Variants in PTP4A3 observed in about 807,000 individuals in gnomAD.
PTP4A3 encodes protein tyrosine phosphatase type IVA 3.
In PTP4A3, 9 loss-of-function variants were observed where a neutral mutation model predicts 15.2. That is an observed-to-expected ratio of 0.59 (90% CI 0.36 to 1.03). The LOEUF is 1.03. PTP4A3 is among the 50% of genes least tolerant of loss of function. The probability of loss-of-function intolerance (pLI) is 0.02; values close to 1 mark genes in which losing one functional copy is unlikely to be tolerated. For missense variants in PTP4A3, 234 were observed against 252.1 expected, an observed-to-expected ratio of 0.93 and a Z score of 0.49; for synonymous variants, 95 against 102.0, an observed-to-expected ratio of 0.93 and a Z score of 0.41.
At chr8:141,403,368 C>T (rs921877683) in intron 1 of PTP4A3, among the ~76,000 whole-genome samples, 1 of 152,124 alleles carries the variant, frequency 6.6e-6, no homozygotes, top group African/African-American at 2.4e-5. Flanking sequence ...TCTGAGAGTC[C>T]CGAGCCTGGG....
In PTP4A3 at chr8:141,427,085, G is replaced by C; in HGVS notation, c.329+16G>C. 6.3e-7 allele frequency: 1 copy of C among 1,593,558 alleles called. No individual in the cohort carries two copies. The highest frequency in any genetic ancestry group is 8.5e-7 in the Non-Finnish European group (1 of 1,176,888). On this transcript the variant is annotated intron_variant, in intron 4 of 5. Transcript: ENST00000521578. Reference sequence around the variant, plus strand: ...GCCTGGGCCGGTGAGTGTCGGGGCGGGGTAGGGCTCGCCATGTCAGGTGGT... The same window carrying C: ...GCCTGGGCCGGTGAGTGTCGGGGCGCGGTAGGGCTCGCCATGTCAGGTGGT...
rs1364558671 is a variant in PTP4A3, at chr8:141,421,523, C to CTG, written c.-717_-716dup. 1 of 152,872 alleles carries CTG rather than the reference C, an allele frequency of 6.5e-6. No individual in the cohort carries two copies. The highest frequency in any genetic ancestry group is 6.5e-5 in the Admixed American group (1 of 15,300). The allele number at this position is 152,872 out of a possible 1,614,324, so 9.5% of individuals were successfully genotyped here. A position where few individuals can be genotyped will look rare whatever the true frequency, so the allele number is the denominator to read the frequency against. On this transcript the variant is annotated 5_prime_UTR_variant, in exon 2 of 6. Transcript: ENST00000521578. The stretch of plus-strand genomic sequence containing the variant: ...CACTGGCTCTCACCATTGCCCTCGC[C>CTG]TGCCGATGGCCTCTGCTGCCCAGCC...
intron 1 of PTP4A3, among the ~76,000 whole-genome samples, chr8:141,418,533 C>T (rs1255291184): frequency 6.6e-6 from 1 of 152,202 alleles, no homozygotes; most frequent in Non-Finnish European, 1.5e-5. Context: ...GATGGACTCT[C>T]CCTTAAAGGG....
intron 2 of PTP4A3, among the ~76,000 whole-genome samples, chr8:141,422,786 C>A (rs1247512126): frequency 1.3e-5 from 2 of 152,274 alleles, no homozygotes; most frequent in East Asian, 3.9e-4. Flanking sequence ...GGGCCCAGAT[C>A]TCTGTGTGAG....
intron 1 of PTP4A3, among the ~76,000 whole-genome samples, chr8:141,410,793 A>C (rs1208579004): frequency 6.6e-6 from 1 of 152,188 alleles, no homozygotes; most frequent in African/African-American, 2.4e-5. Flanking sequence ...ACCAGGTCAC[A>C]CAGCCCTGTG....
chr8:141,415,975 C>T (rs930677797), intron 1 of PTP4A3, among the ~76,000 whole-genome samples: 9 of 151,974 alleles, frequency 5.9e-5, no homozygotes, highest in Non-Finnish European at 5.9e-5. Flanking sequence ...ATTCCAGGAA[C>T]GGCTCCTGCC....
chr8:141,411,290 A>T (rs1832862446), intron 1 of PTP4A3, among the ~76,000 whole-genome samples: 1 of 152,136 alleles, frequency 6.6e-6, no homozygotes, highest in Non-Finnish European at 1.5e-5. Flanking sequence ...TGACTATGAA[A>T]CCAATCCACT....
intron 1 of PTP4A3, among the ~76,000 whole-genome samples, chr8:141,396,024 C>T (rs1832442893): frequency 6.6e-6 from 1 of 152,226 alleles, no homozygotes; most frequent in South Asian, 2.1e-4. Flanking sequence ...CCAACCCTGC[C>T]ACTGGCTCAG....
At chr8:141,429,581 A>T (rs1833751925) in intron 5 of PTP4A3, among the ~76,000 whole-genome samples, 1 of 149,774 alleles carries the variant, frequency 6.7e-6, no homozygotes, top group East Asian at 2.0e-4. Context: ...TGCTGTAAGG[A>T]CCCGGTGGCG....
At chr8:141,407,962 A>G (rs1832772069) in intron 1 of PTP4A3, among the ~76,000 whole-genome samples, 1 of 148,944 alleles carries the variant, frequency 6.7e-6, no homozygotes, top group African/African-American at 2.5e-5. Context: ...GTGTGGTCCT[A>G]AACAATTCTT....
chr8:141,398,897 C>G (rs1442001972), intron 1 of PTP4A3, among the ~76,000 whole-genome samples: 1 of 152,100 alleles, frequency 6.6e-6, no homozygotes, highest in Non-Finnish European at 1.5e-5. Context: ...TCGTCCTCAC[C>G]CGCCACGGAG....
intron 1 of PTP4A3, among the ~76,000 whole-genome samples, chr8:141,408,201 G>A (rs1272437688): frequency 6.6e-6 from 1 of 152,216 alleles, no homozygotes; most frequent in African/African-American, 2.4e-5. Context: ...GTGGTTGCCA[G>A]GGGCTGGGGG....
intron 1 of PTP4A3, among the ~76,000 whole-genome samples, chr8:141,407,884 T>TAAA (rs1402425805): frequency 1.3e-5 from 2 of 152,206 alleles, no homozygotes; most frequent in Non-Finnish European, 2.9e-5. Context: ...TAAACTTTCT[T>TAAA]AAAACATCAT....
Position 141,425,196 on chromosome 8 carries a change from C to CGGGGGGCGGCGGGGGTGGGGGGGGG in PTP4A3, c.198+63_198+64insGGCGGGGGTGGGGGGGGGGGGGGGC. ...CTGCTGCCACCGGGGGAGGGTGGGG[C>CGGGGGGCGGCGGGGGTGGGGGGGGG]GGGGGGCTCCGGGCCTGCGCAGAGG... On this transcript the variant is annotated intron_variant, in intron 3 of 5. Coordinates refer to ENST00000521578, the MANE Select transcript of PTP4A3 (RefSeq NM_032611.3). This position sits in a 1 kb window ranked among gnomAD's most constrained non-coding sequence, Gnocchi z 4.2. 2.8e-6 allele frequency: 1 copy of CGGGGGGCGGCGGGGGTGGGGGGGGG among 361,486 alleles called. No homozygotes were observed. The highest frequency in any genetic ancestry group is 5.4e-6 in the Non-Finnish European group (1 of 185,990). The allele number at this position is 361,486 out of a possible 1,614,324, so 22.4% of individuals were successfully genotyped here. A position where few individuals can be genotyped will look rare whatever the true frequency, so the allele number is the denominator to read the frequency against.
At position 141,426,685 on chromosome 8, in the gene PTP4A3, G is replaced by A. The variant is rs539874471; in HGVS notation, c.199-254G>A. The A allele has an allele frequency of 1.7e-5, 17 of 985,004 alleles. No individual in the cohort carries two copies. In the South Asian group the frequency reaches 7.5e-4, roughly 44 times the overall value. The allele number at this position is 985,004 out of a possible 1,614,324, so 61.0% of individuals were successfully genotyped here. A position where few individuals can be genotyped will look rare whatever the true frequency, so the allele number is the denominator to read the frequency against. On this transcript the variant is annotated intron_variant, in intron 3 of 5. Coordinates refer to ENST00000521578, the MANE Select transcript of PTP4A3 (RefSeq NM_032611.3). ...GCAGGCTCTATTCAGAAAGGGGTGGGGTGGTCCAGGAAGGCTTCCTGGAGG... is the reference window on the plus strand; with the variant it reads ...GCAGGCTCTATTCAGAAAGGGGTGGAGTGGTCCAGGAAGGCTTCCTGGAGG...
At chr8:141,410,037 G>C (rs955589547) in intron 1 of PTP4A3, among the ~76,000 whole-genome samples, 2 of 152,268 alleles carry the variant, frequency 1.3e-5, no homozygotes, top group African/African-American at 4.8e-5. Context: ...CATACAGCCT[G>C]GGTCGGGGAG....
At position 141,402,043 on chromosome 8, in the gene PTP4A3, G is replaced by A. The variant is rs75407513; in HGVS notation, c.-854+9959G>A. Among the ~76,000 whole-genome samples the A allele has an allele frequency of 2.8e-3, 420 of 152,310 alleles. 14 individuals are homozygous for A. The East Asian group carries it at 0.064, about 23-fold the overall frequency. ...GATATCACACAAGCCACCCTGGGTC[G>A]GGGCTGGAGGAGGAGACCTGGGCAG... On this transcript the variant is annotated intron_variant, in intron 1 of 5. Transcript: ENST00000521578.
chr8:141,426,423 C>T, intron 3 of PTP4A3: 1 of 985,266 alleles, frequency 1.0e-6, no homozygotes, highest in Non-Finnish European at 1.2e-6. Context: ...GAGTCCTGCC[C>T]TCAGAAATGT....
At chr8:141,404,280 G>A (rs61307530) in intron 1 of PTP4A3, among the ~76,000 whole-genome samples, 2,950 of 152,372 alleles carry the variant, frequency 0.019, 110 homozygotes, top group African/African-American at 0.067. Flanking sequence ...TGTACTTGAC[G>A]GATGGTGCAG....
Sources: gnomAD v4.1 joint callset for allele counts (sites outside exome capture counted in the v4.1 genomes callset) on GRCh38, gnomAD v4.1.1 for gene constraint, Gnocchi (gnomAD v3.1) non-coding constraint, MANE v1.5 for transcripts, NCBI Gene and HGNC (gene_info 2026-07-23, HGNC 2026-07-21) for gene names.